ST6GALNAC3: variants seen among roughly 807,000 people sequenced by gnomAD.
ST6GALNAC3 encodes alpha-N-acetylgalactosaminide alpha-2,6-sialyltransferase 3.
A neutral mutation model predicts 32.7 loss-of-function variants in ST6GALNAC3; 25 were observed. That is an observed-to-expected ratio of 0.76 (90% confidence interval 0.56 to 1.07). The LOEUF is 1.07. ST6GALNAC3 is among the 50% of genes least tolerant of loss of function. ST6GALNAC3 has a pLI of 0.00. For missense variants in ST6GALNAC3, 355 were observed against 382.4 expected, an observed-to-expected ratio of 0.93 and a Z score of 0.60; for synonymous variants, 129 against 133.1, an observed-to-expected ratio of 0.97 and a Z score of 0.21.
intron 1 of ST6GALNAC3, among the ~76,000 whole-genome samples, chr1:76,153,241 T>G (rs186351008): frequency 1.3e-5 from 2 of 152,312 alleles, no homozygotes; most frequent in Admixed American, 6.5e-5. Context: ...TTTTCCCCTA[T>G]AGCTATTGCC....
intron 1 of ST6GALNAC3, among the ~76,000 whole-genome samples, chr1:76,284,094 A>G (rs72998597): frequency 0.014 from 2,139 of 152,308 alleles, 47 homozygotes; most frequent in African/African-American, 0.049. Flanking sequence ...ACAGAAATTT[A>G]TGCTTTAAAG....
At chr1:76,298,815 A>G (rs952133934) in intron 1 of ST6GALNAC3, among the ~76,000 whole-genome samples, 3 of 152,096 alleles carry the variant, frequency 2.0e-5, no homozygotes, top group Admixed American at 6.6e-5. Context: ...ACATGGGAAT[A>G]AACTATCTTG....
intron 1 of ST6GALNAC3, among the ~76,000 whole-genome samples, chr1:76,247,237 G>A (rs1304541782): frequency 6.6e-6 from 1 of 152,248 alleles, no homozygotes; most frequent in South Asian, 2.1e-4. Flanking sequence ...GGTTTCTATC[G>A]ACCCCTGTCA....
At chr1:76,082,339 G>A (rs1028400049) in intron 1 of ST6GALNAC3, among the ~76,000 whole-genome samples, 4 of 152,116 alleles carry the variant, frequency 2.6e-5, no homozygotes, top group African/African-American at 9.7e-5. Flanking sequence ...TCAGTTTATG[G>A]ATTATCCAGA....
At chr1:76,410,450 C>A (rs760765288) in intron 2 of ST6GALNAC3, among the ~76,000 whole-genome samples, 25 of 152,140 alleles carry the variant, frequency 1.6e-4, no homozygotes, top group Non-Finnish European at 2.6e-4. Context: ...CTCACACACA[C>A]ACGTGCACAC....
At chr1:76,110,490 G>A (rs1357262252) in intron 1 of ST6GALNAC3, among the ~76,000 whole-genome samples, 1 of 152,272 alleles carries the variant, frequency 6.6e-6, no homozygotes, top group Non-Finnish European at 1.5e-5. Context: ...TGGGAGAAGT[G>A]AGGACCTGCA....
At chr1:76,605,100 T>C (rs971415449) in intron 3 of ST6GALNAC3, among the ~76,000 whole-genome samples, 5 of 152,334 alleles carry the variant, frequency 3.3e-5, no homozygotes, top group African/African-American at 1.2e-4. Context: ...CCAGAGACTC[T>C]ATACAGGTGA....
intron 1 of ST6GALNAC3, among the ~76,000 whole-genome samples, chr1:76,278,309 C>CTT (rs1201772086): frequency 1.3e-5 from 2 of 150,506 alleles, no homozygotes; most frequent in Non-Finnish European, 2.9e-5. Context: ...GCAAGCTCCG[C>CTT]CTCCCGGGTT....
chr1:76,138,616 T>A (rs1213372683), intron 1 of ST6GALNAC3, among the ~76,000 whole-genome samples: 2 of 152,192 alleles, frequency 1.3e-5, no homozygotes, highest in Non-Finnish European at 2.9e-5. Flanking sequence ...AAATAGAATG[T>A]CACTGCCCTG....
intron 1 of ST6GALNAC3, among the ~76,000 whole-genome samples, chr1:76,286,447 C>T (rs2100803038): frequency 6.6e-6 from 1 of 152,348 alleles, no homozygotes. Flanking sequence ...TGTTTTAACA[C>T]AGACACATTC....
At chr1:76,122,477 G>A (rs373991343) in intron 1 of ST6GALNAC3, among the ~76,000 whole-genome samples, 7 of 152,122 alleles carry the variant, frequency 4.6e-5, no homozygotes, top group African/African-American at 1.4e-4. Flanking sequence ...ATGAAGAGCC[G>A]TCCACTCTCT....
At position 76,450,647 on chromosome 1, in the gene ST6GALNAC3, G is replaced by T. The variant is rs566856289; in HGVS notation, c.623+38230G>T. Among the ~76,000 whole-genome samples, 27 of 152,250 alleles carry T rather than the reference G, an allele frequency of 1.8e-4. No individual in the cohort carries two copies. In the South Asian group the frequency reaches 4.8e-3, roughly 27 times the overall value. ...TCTGCCTAAGCCAATGTCTAGAAGG[G>T]TTATTCCAATGTTATCTTCTAGAAT... On this transcript the variant is annotated intron_variant, in intron 3 of 4. Transcript: ENST00000328299.
At chr1:76,514,331 G>T (rs1662044554) in intron 3 of ST6GALNAC3, among the ~76,000 whole-genome samples, 1 of 151,970 alleles carries the variant, frequency 6.6e-6, no homozygotes, top group Admixed American at 6.6e-5. Flanking sequence ...TGATCATATG[G>T]TTTTTTTCCT....
intron 1 of ST6GALNAC3, among the ~76,000 whole-genome samples, chr1:76,170,012 AT>A (rs1048122866): frequency 3.1e-3 from 466 of 149,386 alleles, no homozygotes; most frequent in Non-Finnish European, 4.1e-3. Context: ...TGACCTTCAG[AT>A]TTTTTTTTTA....
intron 1 of ST6GALNAC3, among the ~76,000 whole-genome samples, chr1:76,219,883 G>A (rs189439303): frequency 5.9e-5 from 9 of 152,190 alleles, no homozygotes; most frequent in South Asian, 2.1e-4. Context: ...CGAGGGGAGC[G>A]GTTCTGGATC....
intron 1 of ST6GALNAC3, among the ~76,000 whole-genome samples, chr1:76,175,681 A>G (rs1190165730): frequency 2.0e-5 from 3 of 152,198 alleles, no homozygotes; most frequent in African/African-American, 4.8e-5. Flanking sequence ...CTTAAAAAAT[A>G]TATTCCCCCA....
intron 3 of ST6GALNAC3, among the ~76,000 whole-genome samples, chr1:76,512,693 C>T (rs1661939611): frequency 6.6e-6 from 1 of 152,054 alleles, no homozygotes; most frequent in Non-Finnish European, 1.5e-5. Flanking sequence ...AACTTTGTAC[C>T]CGTTGACCAG....
chr1:76,146,024 A>G (rs973161042), intron 1 of ST6GALNAC3, among the ~76,000 whole-genome samples: 2 of 152,226 alleles, frequency 1.3e-5, no homozygotes, highest in African/African-American at 4.8e-5. Flanking sequence ...ATGGCCATCT[A>G]AAAGTAGTAA....
intron 3 of ST6GALNAC3, among the ~76,000 whole-genome samples, chr1:76,454,991 T>C (rs1657673407): frequency 6.6e-6 from 1 of 152,114 alleles, no homozygotes; most frequent in South Asian, 2.1e-4. Flanking sequence ...GAATTTATTC[T>C]CTAGATTTCA....
Sources: allele counts gnomAD v4.1 joint callset (sites outside exome capture counted in the v4.1 genomes callset), GRCh38; gene constraint gnomAD v4.1.1; transcripts MANE v1.5; gene names NCBI Gene and HGNC (gene_info 2026-07-23, HGNC 2026-07-21).